Variants in VSIG4 observed in about 807,000 individuals in gnomAD.
VSIG4 encodes the protein V-set and immunoglobulin domain containing 4.
In VSIG4, 34 loss-of-function variants were observed where a neutral mutation model predicts 23.4. That is an observed-to-expected ratio of 1.45 (90% confidence interval 1.10 to 1.93). The LOEUF is 1.93. Among genes scored for constraint, VSIG4 ranks in the 30% most tolerant of loss-of-function variants. VSIG4 has a pLI of 0.00. For missense variants in VSIG4, 433 were observed against 310.8 expected (o/e 1.39, Z -2.96); for synonymous variants, 169 against 120.3 (o/e 1.41, Z -2.65).
chrX:66,022,104 C>A lies in VSIG4; in HGVS notation c.*159G>T. The A allele has an allele frequency of 3.4e-6, 4 of 1,172,365 alleles. No individual in the cohort carries two copies. Among genetic ancestry groups the A allele is most frequent in the Non-Finnish European group, 2.3e-6 (2 of 875,469 alleles). The stretch of plus-strand genomic sequence containing the variant: ...GCTGGCTTACTTGAGATGCATCTGG[C>A]AAATTCCAGGGCAAAGCCAGTGACT... On this transcript the variant is annotated 3_prime_UTR_variant, in exon 8 of 8. Coordinates refer to ENST00000374737, the MANE Select transcript of VSIG4 (RefSeq NM_007268.3).
intron 4 of VSIG4, 41 bp downstream of exon 4, chrX:66,028,009 T>A: frequency 8.6e-7 from 1 of 1,158,956 alleles, no homozygotes; most frequent in Non-Finnish European, 1.2e-6. Flanking sequence ...ATGACACCAT[T>A]TTGAACCTCT....
chrX:66,032,388 T>C, intron 3 of VSIG4, 80 bp downstream of exon 3: 1 of 1,111,504 alleles, frequency 9.0e-7, no homozygotes, highest in South Asian at 2.2e-5. Context: ...CAATTCTTCT[T>C]TTGCATAAGG....
chrX:66,037,347 TATAA>T (rs2085610787), intron 1 of VSIG4, among the ~76,000 whole-genome samples: 1 of 33,443 alleles, frequency 3.0e-5, no homozygotes, highest in Non-Finnish European at 4.2e-5. Context: ...TAATATAATA[TATAA>T]TATATATTAT....
At position 66,033,563 on chromosome X, in the gene VSIG4, C is replaced by T. The variant is rs180937374; in HGVS notation, c.323G>A (p.Arg108Gln). 2.4e-4 allele frequency: 287 copies of T among 1,209,664 alleles called. 2 individuals carry two copies. The East Asian group carries it at 3.0e-3, about 12-fold the overall frequency. Reference sequence around the variant, plus strand: ...GGTGACTTCACACGTGTAGTGGCTCCGGTCATCCATCTCCAGGGTGCTCAA... The same window carrying T: ...GGTGACTTCACACGTGTAGTGGCTCTGGTCATCCATCTCCAGGGTGCTCAA... ...LQLSTLEMDD[R>Q]SHYTCEVTWQ... The change falls in exon 2 of 8, where the codon CGG becomes CAG. Residue 108 changes from arginine (R) to glutamine (Q), a missense_variant. Transcript: ENST00000374737.
chrX:66,039,811 GAGCCTGCAGAGTTTGGCTGAGA>G, intron 1 of VSIG4, 111 bp downstream of exon 1: 8 of 708,815 alleles, frequency 1.1e-5, no homozygotes, highest in Non-Finnish European at 1.7e-5. Context: ...AAGGCTGAGA[GAGCCTGCAGAGTTTGGCTGAGA>G]AGACTCACCT....
At position 66,039,943 on chromosome X, in the gene VSIG4, C is replaced by A. The variant is rs768307863; in HGVS notation, c.55+1G>T. Reference sequence around the variant, plus strand: ...CAGCCAGGCCCCCCTTTCTGCCTTACCATAAGTGTCCACTGTTAGGTGCCC... The same window carrying A: ...CAGCCAGGCCCCCCTTTCTGCCTTAACATAAGTGTCCACTGTTAGGTGCCC... On this transcript the variant is annotated splice_donor_variant, in intron 1 of 7. Coordinates refer to ENST00000374737, the MANE Select transcript of VSIG4 (RefSeq NM_007268.3). LOFTEE classifies it high-confidence loss of function. 6.6e-6 allele frequency: 8 copies of A among 1,211,364 alleles called. No individual in the cohort carries two copies. The highest frequency in any genetic ancestry group is 5.3e-5 in the South Asian group (3 of 56,910).
intron 6 of VSIG4, among the ~76,000 whole-genome samples, chrX:66,024,746 A>G (rs1408617877): frequency 8.9e-6 from 1 of 111,974 alleles, no homozygotes; most frequent in East Asian, 2.8e-4. Flanking sequence ...ACTTGAGGCC[A>G]GGGATTGTGA....
chrX:66,036,807 AATATT>A (rs1295738807), intron 1 of VSIG4, among the ~76,000 whole-genome samples: 1 of 39,620 alleles, frequency 2.5e-5, no homozygotes, highest in East Asian at 1.1e-3. Context: ...TATATTATAT[AATATT>A]ATATATTATT....
At chrX:66,022,798 G>A (rs746244703) in intron 7 of VSIG4, 43 bp downstream of exon 7, 2 of 1,211,215 alleles carry the variant, frequency 1.7e-6, no homozygotes, top group Non-Finnish European at 2.2e-6. Flanking sequence ...CAAAATTGAG[G>A]GCAGGGACGG....
chrX:66,025,270 G>GA, intron 5 of VSIG4, 141 bp from the exon 6 acceptor site: 2 of 412,048 alleles, frequency 4.9e-6, no homozygotes, highest in East Asian at 4.0e-5. Flanking sequence ...TAGCCAGAGA[G>GA]AAAAAACTCC....
In VSIG4 at chrX:66,032,697, C is replaced by T. The variant is rs370999904; in HGVS notation, c.465G>A (p.Val155=). 22 of 1,209,572 alleles carry T rather than the reference C, an allele frequency of 1.8e-5. No homozygotes were observed. The highest frequency in any genetic ancestry group is 3.5e-5 in the African/African-American group (2 of 57,072). Residue 155 remains valine (V), a synonymous_variant, in exon 3 of 8, where the codon GTG becomes GTA. Transcript: ENST00000374737. ...GAAGGCTAATCCTCATTCCCTGGGG[C>T]ACCGTGAAGCCATAACCGCTGCCAG... ...VTTGSGYGFT[V]PQGMRISLQC... is the part of the protein sequence containing the mutation.
intron 1 of VSIG4, among the ~76,000 whole-genome samples, chrX:66,035,625 A>G (rs889644660): frequency 8.9e-6 from 1 of 112,079 alleles, no homozygotes; most frequent in African/African-American, 3.2e-5. Context: ...TCACACCTCC[A>G]TGTGATTGCA....
chrX:66,023,659 A>T (rs2085358569), intron 6 of VSIG4, among the ~76,000 whole-genome samples: 1 of 112,060 alleles, frequency 8.9e-6, no homozygotes, highest in African/African-American at 3.2e-5. Context: ...GTGCTCAGTA[A>T]TTATGTTAAA....
At position 66,033,550 on chromosome X, in the gene VSIG4, C is replaced by A; in HGVS notation, c.336G>T (p.Thr112=). Residue 112 remains threonine (T), a synonymous_variant, in exon 2 of 8, where the codon ACG becomes ACT. Transcript: ENST00000374737. The part of the protein sequence containing the change: ...TLEMDDRSHY[T]CEVTWQTPDG... ...CAGGAGTCTGCCAGGTGACTTCACA[C>A]GTGTAGTGGCTCCGGTCATCCATCT... 4 of 1,211,593 alleles carry A rather than the reference C, an allele frequency of 3.3e-6. No individual in the cohort carries two copies. Among genetic ancestry groups the A allele is most frequent in the Non-Finnish European group, 4.5e-6 (4 of 895,420 alleles).
chrX:66,026,606 C>A (rs892464758), intron 5 of VSIG4, among the ~76,000 whole-genome samples: 13 of 111,476 alleles, frequency 1.2e-4, no homozygotes, highest in Non-Finnish European at 1.9e-5. Flanking sequence ...AAGGGATAGC[C>A]AAAAAACTCT....
At chrX:66,034,047 G>A (rs1266017599) in intron 1 of VSIG4, among the ~76,000 whole-genome samples, 1 of 111,823 alleles carries the variant, frequency 8.9e-6, no homozygotes, top group Non-Finnish European at 1.9e-5. Context: ...TTTAGATCTT[G>A]TGAGTTTCAA....
rs760882811 is a variant in VSIG4, at chrX:66,039,894, G to A, written c.55+50C>T. 25 of 1,192,463 alleles carry A rather than the reference G, an allele frequency of 2.1e-5. No homozygotes were observed. The South Asian group carries it at 3.9e-4, about 19-fold the overall frequency. ...GTAGACATTAAACACCAACCCTCTAGCCTTTTGCCTAAGCCAGCAATGGCA... is the reference window on the plus strand; with the variant it reads ...GTAGACATTAAACACCAACCCTCTAACCTTTTGCCTAAGCCAGCAATGGCA... On this transcript the variant is annotated intron_variant, in intron 1 of 7. Coordinates refer to ENST00000374737, the MANE Select transcript of VSIG4 (RefSeq NM_007268.3).
rs1396362895 is a variant in VSIG4 at position 66,032,676 on chromosome X, G to A, written c.486C>T (p.Ser162=). 2 of 1,209,604 alleles carry A rather than the reference G, an allele frequency of 1.7e-6. No homozygotes were observed. The highest frequency in any genetic ancestry group is 2.2e-6 in the Non-Finnish European group (2 of 895,108). The change falls in exon 3 of 8, where the codon AGC becomes AGT. Residue 162 remains serine, a synonymous_variant. Transcript: ENST00000374737. The part of the protein sequence containing the change: ...GFTVPQGMRI[S]LQCQARGSPP... ...GAGAACCCCGAGCCTGGCATTGAAG[G>A]CTAATCCTCATTCCCTGGGGCACCG...
chrX:66,030,172 C>G (rs1270436330), intron 3 of VSIG4, among the ~76,000 whole-genome samples: 2 of 111,018 alleles, frequency 1.8e-5, no homozygotes, highest in Admixed American at 9.6e-5. Context: ...CAACAGGATC[C>G]ACTGCTACAC....
Sources: allele counts gnomAD v4.1 joint callset (sites outside exome capture counted in the v4.1 genomes callset), GRCh38; gene constraint gnomAD v4.1.1; transcripts MANE v1.5; gene names NCBI Gene and HGNC (gene_info 2026-07-23, HGNC 2026-07-21).